The following SGSH variants were observed in gnomAD, a reference collection of about 807,000 sequenced individuals.
The protein encoded by SGSH is heparan sulfate sulfatase.
A neutral mutation model predicts 51.0 loss-of-function variants in SGSH; 48 were observed. The observed-to-expected ratio is 0.94, with a 90% CI of 0.75 to 1.20. The LOEUF is 1.20. Ranked by LOEUF, SGSH falls within the 50% of genes most tolerant of loss-of-function variation. The pLI, the probability that SGSH is intolerant of heterozygous loss-of-function variation, is 0.00. For synonymous variants in SGSH, 321 were observed against 313.4 expected (o/e 1.02, Z -0.26); for missense variants, 662 against 717.8 (o/e 0.92, Z 0.89).
At position 80,209,347 on chromosome 17, in the gene SGSH, C is replaced by A; in HGVS notation, c.*1105G>T. On this transcript the variant is annotated 3_prime_UTR_variant, in exon 8 of 8. Transcript: ENST00000326317. Reference sequence around the variant, plus strand: ...TTTTACAATAGCTGGCCTGTGGCCTCCTCCAGCCCACCCCAGTATGGAGTG... The same window carrying A: ...TTTTACAATAGCTGGCCTGTGGCCTACTCCAGCCCACCCCAGTATGGAGTG... 1 of 985,364 alleles carries A rather than the reference C, an allele frequency of 1.0e-6. No individual in the cohort carries two copies. Among genetic ancestry groups the A allele is most frequent in the Non-Finnish European group, 1.2e-6 (1 of 829,894 alleles). 61.0% of individuals were successfully genotyped at this position (985,364 alleles called of 1,614,324 possible). A position where few individuals can be genotyped will look rare whatever the true frequency, so the allele number is the denominator to read the frequency against.
chr17:80,201,735 T>G, downstream of SGSH: 1 of 1,613,976 alleles, frequency 6.2e-7, no homozygotes, highest in East Asian at 2.2e-5. This position sits in a 1 kb window ranked among gnomAD's most constrained non-coding sequence, Gnocchi z 5.0. Flanking sequence ...CTTCTCGACT[T>G]GCCCTCAGGT....
intron 3 of SGSH, 89 bp downstream of exon 3, chr17:80,214,944 G>A (rs1022052640): frequency 6.3e-5 from 83 of 1,317,972 alleles, no homozygotes; most frequent in Non-Finnish European, 8.3e-5. Context: ...GGGGCTGAGC[G>A]TGCCTTGGTA....
chr17:80,205,249 T>A (rs140275342), downstream of SGSH: 4,624 of 1,493,708 alleles, frequency 3.1e-3, 9 homozygotes, highest in Non-Finnish European at 3.7e-3. Flanking sequence ...CCACCTTCCC[T>A]CCCTCCCTCC....
At chr17:80,215,263 G>A (rs1598752214) in intron 2 of SGSH, 125 bp from the exon 3 acceptor site, 5 of 723,174 alleles carry the variant, frequency 6.9e-6, no homozygotes, top group Non-Finnish European at 1.2e-5. Context: ...ACTTCGAGTG[G>A]CCAGCACCCA....
chr17:80,216,529 G>A (rs776385867), intron 2 of SGSH, among the ~76,000 whole-genome samples: 162 of 152,298 alleles, frequency 1.1e-3, no homozygotes, highest in Non-Finnish European at 2.0e-3. Flanking sequence ...TTAATGCCCC[G>A]GAACTGTGCG....
In SGSH at chr17:80,212,020, G is replaced by C. The variant is rs371720391; in HGVS notation, c.949+51C>G. On this transcript the variant is annotated intron_variant, in intron 7 of 7. Coordinates refer to ENST00000326317, the MANE Select transcript of SGSH (RefSeq NM_000199.5). This position sits in a 1 kb window ranked among gnomAD's most constrained non-coding sequence, Gnocchi z 5.9. ...GCAGCATCTGACAGGTCATGGCCCC[G>C]TCCCAGATCCACTCCCACACCTTTC... is the stretch of plus-strand genomic sequence containing the variant. 6.7e-7 allele frequency: 1 copy of C among 1,501,244 alleles called. No homozygotes were observed. Among genetic ancestry groups the C allele is most frequent in the Non-Finnish European group, 9.3e-7 (1 of 1,079,586 alleles). 93.0% of individuals were successfully genotyped at this position (1,501,244 alleles called of 1,614,324 possible). A position where few individuals can be genotyped will look rare whatever the true frequency, so the allele number is the denominator to read the frequency against.
chr17:80,208,000 A>G (rs1303095023), downstream of SGSH: 17 of 582,582 alleles, frequency 2.9e-5, no homozygotes, highest in Non-Finnish European at 4.9e-5. Flanking sequence ...CCTGGGGCCT[A>G]TTTTCTTTAC....
intron 1 of SGSH, among the ~76,000 whole-genome samples, chr17:80,218,964 A>G (rs2042007504): frequency 6.6e-6 from 1 of 152,032 alleles, no homozygotes; most frequent in Non-Finnish European, 1.5e-5. Context: ...GTTCGAGACC[A>G]GTCTGGGCAA....
downstream of SGSH, chr17:80,208,341 G>A (rs370758101): frequency 2.5e-5 from 40 of 1,593,168 alleles, no homozygotes; most frequent in Admixed American, 6.9e-5. Context: ...CAGAGCCCCC[G>A]ATGATGCACC....
Position 80,215,135 on chromosome 17 carries a change from G to C in SGSH, c.253C>G (p.Gln85Glu), listed in dbSNP as rs931695805. 1 of 1,610,338 alleles carries C rather than the reference G, an allele frequency of 6.2e-7. No individual in the cohort carries two copies. The highest frequency in any genetic ancestry group is 1.7e-5 in the Admixed American group (1 of 60,010). ...ASLLTGLPQH[Q>E]NGMYGLHQDV... is the part of the protein sequence containing the mutation. The stretch of plus-strand genomic sequence containing the variant: ...TGGTGCAGCCCGTACATCCCATTCT[G>C]ATGCTGCCAGCAAAGGCGCATGAGG... The change falls in exon 3 of 8, where the codon CAG becomes GAG. Residue 85 changes from glutamine (Q) to glutamate (E), a missense_variant. By Grantham distance (29) the Gln-to-Glu change is conservative. Coordinates refer to ENST00000326317, the MANE Select transcript of SGSH (RefSeq NM_000199.5).
chr17:80,216,609 C>T lies in SGSH; in HGVS notation c.249+423G>A. ...CCACAGTAAAATAGGAGCATGTGTG[C>T]CTTAACGGTGTCCGCTCCCTGCACC... is the stretch of plus-strand genomic sequence containing the variant. On this transcript the variant is annotated intron_variant, in intron 2 of 7. Transcript: ENST00000326317. 1.8e-5 allele frequency: 4 copies of T among 224,322 alleles called. 1 individual carries two copies. In the South Asian group the frequency reaches 3.2e-4, roughly 18 times the overall value. 13.9% of individuals were successfully genotyped at this position (224,322 alleles called of 1,614,324 possible). A position where few individuals can be genotyped will look rare whatever the true frequency, so the allele number is the denominator to read the frequency against.
At chr17:80,202,822 G>T (rs539270849), downstream of SGSH, 5 of 220,960 alleles carry the variant, frequency 2.3e-5, no homozygotes, top group South Asian at 4.0e-4. Context: ...TGTCTCTATA[G>T]GTTGCCAAGG....
chr17:80,218,633 C>T (rs115446784), intron 1 of SGSH, among the ~76,000 whole-genome samples: 34 of 152,320 alleles, frequency 2.2e-4, no homozygotes, highest in African/African-American at 6.7e-4. Context: ...GGAGGGAGAG[C>T]GGGATGGGCT....
At chr17:80,202,155 T>C (rs759696089), downstream of SGSH, 5 of 1,590,262 alleles carry the variant, frequency 3.1e-6, no homozygotes, top group East Asian at 1.1e-4. Context: ...GTGGCTCATC[T>C]GTGGCTCATG....
downstream of SGSH, chr17:80,202,420 G>A: frequency 6.2e-7 from 1 of 1,609,360 alleles, no homozygotes. Flanking sequence ...AACTACTCCA[G>A]GTGAGCAGCT....
At chr17:80,208,083 C>A (rs1010372505), downstream of SGSH, 14 of 1,362,314 alleles carry the variant, frequency 1.0e-5, no homozygotes, top group African/African-American at 1.8e-4. Context: ...CTAGCCAGGG[C>A]TCCTGGGCCC....
chr17:80,202,233 T>C, downstream of SGSH: 1 of 1,614,012 alleles, frequency 6.2e-7, no homozygotes, highest in Non-Finnish European at 8.5e-7. Flanking sequence ...CTCGGGGGAC[T>C]CATTCTACAT....
chr17:80,216,830 G>T, intron 2 of SGSH: 1 of 599,680 alleles, frequency 1.7e-6, no homozygotes, highest in Non-Finnish European at 3.0e-6. Context: ...GCCACACACA[G>T]CAGTGCAGCC....
intron 1 of SGSH, among the ~76,000 whole-genome samples, chr17:80,219,412 G>A (rs554328501): frequency 2.0e-5 from 3 of 152,340 alleles, no homozygotes; most frequent in Admixed American, 6.5e-5. Context: ...CCCTAGCCCA[G>A]GGGCCGCATA....
Sources: gnomAD v4.1 joint callset for allele counts (sites outside exome capture counted in the v4.1 genomes callset) on GRCh38, gnomAD v4.1.1 for gene constraint, Gnocchi (gnomAD v3.1) non-coding constraint, MANE v1.5 for transcripts, NCBI Gene and HGNC (gene_info 2026-07-23, HGNC 2026-07-21) for gene names.